Variants in RPSA2 observed in about 807,000 individuals in gnomAD.
RPSA2 encodes the protein ribosomal protein SA 2.
the RPSA2 span, among the ~76,000 whole-genome samples, chr19:23,835,248 A>G: frequency 2.6e-5 from 4 of 152,206 alleles, no homozygotes; most frequent in South Asian, 8.3e-4. Context: ...CTTTGCCTGC[A>G]AGCACATATG....
the RPSA2 span, among the ~76,000 whole-genome samples, chr19:23,796,642 A>G: frequency 4.3e-4 from 66 of 151,914 alleles, no homozygotes; most frequent in African/African-American, 1.5e-3. Context: ...TTACTCATCT[A>G]TTTAGGGCTT....
chr19:23,789,553 C>T, the RPSA2 span, among the ~76,000 whole-genome samples: 2 of 152,110 alleles, frequency 1.3e-5, no homozygotes, highest in African/African-American at 2.4e-5. Flanking sequence ...AAAAGAGTTA[C>T]TCTCTCTCCT....
At chr19:23,807,486 G>A in the RPSA2 span, among the ~76,000 whole-genome samples, 10 of 152,224 alleles carry the variant, frequency 6.6e-5, no homozygotes, top group South Asian at 2.1e-4. Context: ...AAAGAACTAT[G>A]TCTTTTTCAT....
chr19:23,789,357 T>A, the RPSA2 span, among the ~76,000 whole-genome samples: 1 of 152,164 alleles, frequency 6.6e-6, no homozygotes, highest in African/African-American at 2.4e-5. Context: ...CCTGACCAGG[T>A]ACCTAGGTGA....
chr19:23,858,567 T>G, the RPSA2 span, among the ~76,000 whole-genome samples: 3 of 152,330 alleles, frequency 2.0e-5, no homozygotes, highest in South Asian at 6.2e-4. Context: ...TCCCTTCTAA[T>G]AAAAAGCAAC....
At chr19:23,758,895 G>C in the RPSA2 span, 2 of 1,120,054 alleles carry the variant, frequency 1.8e-6, no homozygotes, top group Admixed American at 2.3e-5. Flanking sequence ...GAGAGACAAA[G>C]GCCCCGCCAA....
the RPSA2 span, among the ~76,000 whole-genome samples, chr19:23,829,495 T>TTC: frequency 6.6e-5 from 10 of 152,110 alleles, no homozygotes; most frequent in Non-Finnish European, 1.5e-4. Context: ...GATATGAGGT[T>TTC]TCTCCATGTT....
the RPSA2 span, among the ~76,000 whole-genome samples, chr19:23,839,819 C>T: frequency 6.6e-6 from 1 of 152,204 alleles, no homozygotes; most frequent in African/African-American, 2.4e-5. Flanking sequence ...TTTCACTCAG[C>T]TTGGCTCTCT....
At chr19:23,791,580 C>A in the RPSA2 span, among the ~76,000 whole-genome samples, 1 of 152,172 alleles carries the variant, frequency 6.6e-6, no homozygotes, top group East Asian at 1.9e-4. Flanking sequence ...CAAGTCCACC[C>A]CTCATCCCAT....
the RPSA2 span, among the ~76,000 whole-genome samples, chr19:23,770,127 A>AT: frequency 2.6e-5 from 4 of 151,728 alleles, no homozygotes; most frequent in African/African-American, 9.7e-5. Context: ...ATTTTGACAT[A>AT]TTTTTGGGCC....
chr19:23,760,010 C>T, the RPSA2 span, among the ~76,000 whole-genome samples: 1 of 152,130 alleles, frequency 6.6e-6, no homozygotes, highest in East Asian at 1.9e-4. Context: ...AGGTACTTGT[C>T]AAGCACTGTG....
the RPSA2 span, among the ~76,000 whole-genome samples, chr19:23,870,559 A>C: frequency 3.3e-5 from 5 of 152,176 alleles, no homozygotes; most frequent in Non-Finnish European, 7.3e-5. Flanking sequence ...AAGCAAACTC[A>C]AGAGTTTCAG....
At chr19:23,870,019 C>T in the RPSA2 span, among the ~76,000 whole-genome samples, 1 of 152,184 alleles carries the variant, frequency 6.6e-6, no homozygotes, top group Admixed American at 6.5e-5. Context: ...AATATCTCTA[C>T]TTTGATATTT....
chr19:23,842,768 T>C, the RPSA2 span: 1 of 152,332 alleles, frequency 6.6e-6, no homozygotes, highest in African/African-American at 2.4e-5. Context: ...ACATAAATTA[T>C]TTTTAGATCA....
chr19:23,841,712 C>T, the RPSA2 span, among the ~76,000 whole-genome samples: 1 of 151,552 alleles, frequency 6.6e-6, no homozygotes, highest in Non-Finnish European at 1.5e-5. Flanking sequence ...GCCCTGTGTA[C>T]AGGGTGAGCA....
At chr19:23,857,703 G>A in the RPSA2 span, among the ~76,000 whole-genome samples, 4 of 151,606 alleles carry the variant, frequency 2.6e-5, no homozygotes, top group Non-Finnish European at 4.4e-5. Flanking sequence ...CACCATATTG[G>A]TCAGGCTGGT....
the RPSA2 span, among the ~76,000 whole-genome samples, chr19:23,852,260 A>G: frequency 6.6e-6 from 1 of 152,172 alleles, no homozygotes; most frequent in South Asian, 2.1e-4. Context: ...TGGAATGCCT[A>G]AAGTAGGTCT....
the RPSA2 span, among the ~76,000 whole-genome samples, chr19:23,801,071 C>T: frequency 3.3e-5 from 5 of 152,278 alleles, no homozygotes; most frequent in East Asian, 5.8e-4. Flanking sequence ...TGAGAATCTC[C>T]ACTTCTCTTT....
the RPSA2 span, chr19:23,790,702 G>C: frequency 7.1e-6 from 3 of 425,532 alleles, no homozygotes; most frequent in Admixed American, 3.2e-5. Context: ...GTCCCAGCCT[G>C]TGTGGCCCTG....
Sources: gnomAD v4.1 joint callset for allele counts (sites outside exome capture counted in the v4.1 genomes callset) on GRCh38, gnomAD v4.1.1 for gene constraint, MANE v1.5 for transcripts, NCBI Gene and HGNC (gene_info 2026-07-23, HGNC 2026-07-21) for gene names.